The following GPC5 variants were observed in gnomAD, a reference collection of about 807,000 sequenced individuals.
GPC5 encodes glypican-5.
GPC5 carries 47 observed loss-of-function variants against 53.9 expected under a neutral mutation model. That is an observed-to-expected ratio of 0.87 (90% CI 0.69 to 1.11). The LOEUF is 1.11. Ranked by LOEUF, GPC5 falls within the 50% of genes most tolerant of loss-of-function variation. The pLI, the probability that GPC5 is intolerant of heterozygous loss-of-function variation, is 0.00. For synonymous variants in GPC5, 286 were observed against 263.3 expected (o/e 1.09, Z -0.84); for missense variants, 748 against 713.1 (o/e 1.05, Z -0.56).
chr13:92,742,974 CAT>C (rs1566395748), intron 7 of GPC5, among the ~76,000 whole-genome samples: 6 of 151,454 alleles, frequency 4.0e-5, no homozygotes, highest in Non-Finnish European at 5.9e-5. Flanking sequence ...ATGCTGTTTT[CAT>C]TACTGTAGCC....
chr13:92,325,402 T>C (rs2043244203), intron 7 of GPC5, among the ~76,000 whole-genome samples: 1 of 152,052 alleles, frequency 6.6e-6, no homozygotes, highest in East Asian at 1.9e-4. Flanking sequence ...AGGCAAAACA[T>C]AAACAAATAT....
At chr13:92,260,063 A>G (rs911728973) in intron 7 of GPC5, among the ~76,000 whole-genome samples, 12 of 152,178 alleles carry the variant, frequency 7.9e-5, no homozygotes, top group African/African-American at 2.4e-4. Context: ...TCTCTGTTTC[A>G]TACATAAGTC....
At chr13:91,757,116 T>A (rs1178917319) in intron 5 of GPC5, among the ~76,000 whole-genome samples, 1 of 152,080 alleles carries the variant, frequency 6.6e-6, no homozygotes, top group Admixed American at 6.6e-5. Context: ...TTTCAAGCAA[T>A]CTCCTGAGCT....
intron 7 of GPC5, among the ~76,000 whole-genome samples, chr13:92,754,490 A>G (rs1387622273): frequency 6.6e-6 from 1 of 151,902 alleles, no homozygotes; most frequent in Non-Finnish European, 1.5e-5. Flanking sequence ...TATTAACTTT[A>G]AATGTAAATG....
intron 2 of GPC5, among the ~76,000 whole-genome samples, chr13:91,657,555 CA>C (rs1157176747): frequency 6.6e-6 from 1 of 151,790 alleles, no homozygotes; most frequent in Admixed American, 6.6e-5. Context: ...GCCCTCACAA[CA>C]AAAAAATTAT....
intron 2 of GPC5, among the ~76,000 whole-genome samples, chr13:91,671,944 C>T (rs1396209022): frequency 6.6e-6 from 1 of 152,068 alleles, no homozygotes; most frequent in African/African-American, 2.4e-5. Flanking sequence ...CACCTCACAT[C>T]TACAACCATC....
intron 5 of GPC5, among the ~76,000 whole-genome samples, chr13:91,846,877 G>C (rs555542049): frequency 6.6e-6 from 1 of 151,996 alleles, no homozygotes; most frequent in Non-Finnish European, 1.5e-5. Flanking sequence ...TAGATTGTTG[G>C]AGTGAAGATT....
At chr13:91,418,103 C>T (rs528651776) in intron 1 of GPC5, among the ~76,000 whole-genome samples, 13 of 152,170 alleles carry the variant, frequency 8.5e-5, no homozygotes, top group South Asian at 2.1e-4. Context: ...CTGTCTGTAC[C>T]GCCTGCCCAT....
intron 6 of GPC5, among the ~76,000 whole-genome samples, chr13:92,069,502 A>G (rs184625988): frequency 1.5e-4 from 23 of 151,274 alleles, no homozygotes; most frequent in Admixed American, 1.5e-3. Flanking sequence ...TCTATATACA[A>G]ATGCTTTATA....
At chr13:91,890,547 G>T (rs199985468) in intron 5 of GPC5, among the ~76,000 whole-genome samples, 2 of 152,126 alleles carry the variant, frequency 1.3e-5, no homozygotes, top group East Asian at 3.9e-4. Context: ...AACAAGGGAA[G>T]TTTGTAGTGA....
chr13:91,759,877 G>A (rs74807328), intron 5 of GPC5, among the ~76,000 whole-genome samples: 2,720 of 152,080 alleles, frequency 0.018, 81 homozygotes, highest in African/African-American at 0.06. Context: ...AAACAGGATA[G>A]GACATATTTT....
At position 91,411,251 on chromosome 13, in the gene GPC5, A is replaced by T. The variant is rs549278765; in HGVS notation, c.163+12042A>T. Among the ~76,000 whole-genome samples the T allele has an allele frequency of 1.5e-3, 227 of 152,350 alleles. 1 individual carries two copies. Among genetic ancestry groups the T allele is most frequent in the Non-Finnish European group, 2.8e-3 (188 of 68,034 alleles). On this transcript the variant is annotated intron_variant, in intron 1 of 7. Transcript: ENST00000377067. ...GCTGAATTAATGTGAGTAGGGATAGATTCTCTAATGTCTGATTGGCTTCAT... is the reference window on the plus strand; with the variant it reads ...GCTGAATTAATGTGAGTAGGGATAGTTTCTCTAATGTCTGATTGGCTTCAT...
At chr13:92,109,407 T>C (rs574993498) in intron 6 of GPC5, among the ~76,000 whole-genome samples, 3 of 152,288 alleles carry the variant, frequency 2.0e-5, no homozygotes, top group South Asian at 2.1e-4. Flanking sequence ...AATCTCTCAC[T>C]GTCTCACTGA....
intron 7 of GPC5, among the ~76,000 whole-genome samples, chr13:92,489,379 CAG>C (rs1879676108): frequency 3.3e-5 from 5 of 152,206 alleles, no homozygotes; most frequent in Non-Finnish European, 7.4e-5. Flanking sequence ...AACGGGGAAA[CAG>C]AATACTGGCA....
intron 5 of GPC5, among the ~76,000 whole-genome samples, chr13:91,840,508 T>G (rs1273832764): frequency 1.3e-5 from 2 of 152,036 alleles, no homozygotes; most frequent in Admixed American, 1.3e-4. Context: ...AGAATGCCCT[T>G]TCTTAAAACC....
At chr13:92,372,188 C>G (rs1385031737) in intron 7 of GPC5, among the ~76,000 whole-genome samples, 1 of 152,076 alleles carries the variant, frequency 6.6e-6, no homozygotes, top group African/African-American at 2.4e-5. Flanking sequence ...TACTTCTGAC[C>G]CACCAAATCT....
chr13:91,845,860 A>G (rs943513809), intron 5 of GPC5, among the ~76,000 whole-genome samples: 2 of 152,176 alleles, frequency 1.3e-5, no homozygotes, highest in Non-Finnish European at 1.5e-5. Context: ...GCATGATTTG[A>G]AAAGAGTTGT....
intron 7 of GPC5, among the ~76,000 whole-genome samples, chr13:92,569,347 A>G (rs1882955427): frequency 6.6e-6 from 1 of 152,014 alleles, no homozygotes; most frequent in African/African-American, 2.4e-5. Context: ...TAAAGAGGCT[A>G]AGTGACTTGC....
At chr13:91,499,841 C>T (rs1884518997) in intron 2 of GPC5, among the ~76,000 whole-genome samples, 1 of 152,220 alleles carries the variant, frequency 6.6e-6, no homozygotes, top group Admixed American at 6.5e-5. Context: ...CTTCCTAAAA[C>T]ATCATCCTGT....
Sources: allele counts gnomAD v4.1 joint callset (sites outside exome capture counted in the v4.1 genomes callset), GRCh38; gene constraint gnomAD v4.1.1; transcripts MANE v1.5; gene names NCBI Gene and HGNC (gene_info 2026-07-23, HGNC 2026-07-21).